Variants in BDNF observed in about 807,000 individuals in gnomAD.
BDNF encodes the protein brain derived neurotrophic factor.
BDNF carries 1 observed loss-of-function variant against 19.5 expected under a neutral mutation model. That is an observed-to-expected ratio of 0.05 (90% confidence interval 0.02 to 0.24). The LOEUF is 0.24. Ranked by LOEUF, BDNF falls within the 10% of genes least tolerant of loss-of-function variation. The pLI, the probability that BDNF is intolerant of heterozygous loss-of-function variation, is 1.00. For synonymous variants in BDNF, 100 were observed against 121.6 expected (o/e 0.82, Z 1.17); for missense variants, 195 against 317.6 (o/e 0.61, Z 2.93).
chr11:27,663,078 T>G (rs1312682726), intron 1 of BDNF, among the ~76,000 whole-genome samples: 1 of 152,238 alleles, frequency 6.6e-6, no homozygotes, highest in Non-Finnish European at 1.5e-5. Flanking sequence ...TTCAGCCTTT[T>G]AACTTCTTGT....
At chr11:27,672,151 T>C (rs1855479438) in intron 1 of BDNF, among the ~76,000 whole-genome samples, 2 of 152,198 alleles carry the variant, frequency 1.3e-5, no homozygotes, top group Non-Finnish European at 2.9e-5. Flanking sequence ...GCTTTTCCAC[T>C]ATTGTTATTA....
intron 1 of BDNF, among the ~76,000 whole-genome samples, chr11:27,662,368 T>C (rs941588694): frequency 2.0e-5 from 3 of 152,224 alleles, no homozygotes; most frequent in African/African-American, 7.2e-5. Flanking sequence ...AACTTACTGA[T>C]AGGTTTATTA....
chr11:27,720,544 C>A (rs1435758587), intron 1 of BDNF: 1 of 983,030 alleles, frequency 1.0e-6, no homozygotes, highest in African/African-American at 1.7e-5. Context: ...CAAAATCTGA[C>A]TCTCTCTCCA....
At chr11:27,660,171 C>T (rs1853231453) in intron 1 of BDNF, 59 of 1,176,086 alleles carry the variant, frequency 5.0e-5, no homozygotes, top group Non-Finnish European at 6.3e-5. Context: ...GTCAATAGGT[C>T]AGAATGCAGA....
chr11:27,656,355 G>A lies in BDNF; in HGVS notation c.*1466C>T, dbSNP rs571074969. ...AGAGGTGGGATGGTGGGCATAAGTC[G>A]GCTTGAGTGTGGTCCTCCAGTCGAG... On this transcript the variant is annotated 3_prime_UTR_variant, in exon 2 of 2. Transcript: ENST00000356660. The A allele has an allele frequency of 5.8e-5, 11 of 189,052 alleles. No individual in the cohort carries two copies. The South Asian group carries it at 1.3e-3, about 22-fold the overall frequency. The allele number at this position is 189,052 out of a possible 1,614,324, so 11.7% of individuals were successfully genotyped here. A position where few individuals can be genotyped will look rare whatever the true frequency, so the allele number is the denominator to read the frequency against.
At chr11:27,719,337 G>C (rs1257739741) in intron 1 of BDNF, among the ~76,000 whole-genome samples, 1 of 152,232 alleles carries the variant, frequency 6.6e-6, no homozygotes, top group African/African-American at 2.4e-5. Flanking sequence ...TGCGCGTCCA[G>C]CTGATTGGTG....
At chr11:27,701,806 A>G (rs1195815454), upstream of BDNF, among the ~76,000 whole-genome samples, 1 of 152,220 alleles carries the variant, frequency 6.6e-6, no homozygotes, top group African/African-American at 2.4e-5. Flanking sequence ...ATGCTTTTGC[A>G]GATGTTTTCA....
At chr11:27,667,916 C>T (rs997187514) in intron 1 of BDNF, among the ~76,000 whole-genome samples, 2 of 152,166 alleles carry the variant, frequency 1.3e-5, no homozygotes, top group Non-Finnish European at 2.9e-5. Context: ...ACCAAGCGGA[C>T]CTAATAGACA....
At chr11:27,673,068 C>A (rs994191124) in intron 1 of BDNF, among the ~76,000 whole-genome samples, 1 of 152,100 alleles carries the variant, frequency 6.6e-6, no homozygotes, top group East Asian at 1.9e-4. Flanking sequence ...TCCCAGGTGG[C>A]ATCTTAAGTA....
chr11:27,696,017 C>T (rs559088755), intron 1 of BDNF, among the ~76,000 whole-genome samples: 13 of 152,248 alleles, frequency 8.5e-5, no homozygotes, highest in African/African-American at 2.6e-4. Context: ...CCCTCCTCTC[C>T]CCTGCAAAAG....
intron 1 of BDNF, among the ~76,000 whole-genome samples, chr11:27,672,771 A>G (rs1490835894): frequency 1.3e-5 from 2 of 152,152 alleles, no homozygotes; most frequent in Non-Finnish European, 1.5e-5. Flanking sequence ...AGTACTTAAA[A>G]TGGCTTTTAA....
chr11:27,702,363 G>T (rs1590472645), upstream of BDNF, among the ~76,000 whole-genome samples: 1 of 152,082 alleles, frequency 6.6e-6, no homozygotes, highest in East Asian at 1.9e-4. Context: ...CAAGCAATTC[G>T]AATGCAGACA....
chr11:27,719,717 A>T, intron 1 of BDNF: 1 of 532,776 alleles, frequency 1.9e-6, no homozygotes, highest in Non-Finnish European at 2.2e-6. Flanking sequence ...TGAGGGAGGG[A>T]TGGAGGCTGG....
chr11:27,720,997 C>CA (rs1860726922), intron 1 of BDNF, among the ~76,000 whole-genome samples: 1 of 149,470 alleles, frequency 6.7e-6, no homozygotes, highest in Non-Finnish European at 1.5e-5. Flanking sequence ...CCCTTACCCC[C>CA]ACTCCACCCC....
intron 1 of BDNF, among the ~76,000 whole-genome samples, chr11:27,666,207 C>T (rs1178252586): frequency 1.3e-5 from 2 of 152,218 alleles, no homozygotes; most frequent in Non-Finnish European, 2.9e-5. Context: ...GCTGAGGGTC[C>T]TGACTGTTAG....
In BDNF at chr11:27,700,227, G is replaced by T. The variant is rs1859744802; in HGVS notation, c.-85C>A. The T allele has an allele frequency of 7.1e-6, 7 of 985,712 alleles. No homozygotes were observed. The South Asian group carries it at 2.8e-4, about 40-fold the overall frequency. 61.1% of individuals were successfully genotyped at this position (985,712 alleles called of 1,614,324 possible). A position where few individuals can be genotyped will look rare whatever the true frequency, so the allele number is the denominator to read the frequency against. ...GAGTCACATCGTGGTTCCGATTCTGGCTCCAGCGCCCAGCCCCGGTCCCCG... is the reference window on the plus strand; with the variant it reads ...GAGTCACATCGTGGTTCCGATTCTGTCTCCAGCGCCCAGCCCCGGTCCCCG... On this transcript the variant is annotated 5_prime_UTR_variant, in exon 1 of 2. Coordinates refer to ENST00000356660, the MANE Select transcript of BDNF (RefSeq NM_001709.5).
In BDNF at chr11:27,657,741, GAATA is replaced by G. The variant is rs1276581473; in HGVS notation, c.*76_*79del. ...TCATAAAATTATTTTTTTCTTAACT[GAATA>G]ATTTACCCTGTTATGTATATATACA... On this transcript the variant is annotated 3_prime_UTR_variant, in exon 2 of 2. Transcript: ENST00000356660. This position sits in a 1 kb window ranked among gnomAD's most constrained non-coding sequence, Gnocchi z 5.0. 1.3e-6 allele frequency: 2 copies of G among 1,572,888 alleles called. No homozygotes were observed. Among genetic ancestry groups the G allele is most frequent in the African/African-American group, 1.4e-5 (1 of 72,182 alleles).
chr11:27,718,883 A>G (rs1216172189), intron 1 of BDNF, among the ~76,000 whole-genome samples: 1 of 152,004 alleles, frequency 6.6e-6, no homozygotes, highest in Non-Finnish European at 1.5e-5. Context: ...CCCTACCCCA[A>G]GCTCTTGCCT....
intron 1 of BDNF, chr11:27,676,277 C>T (rs1245641466): frequency 6.6e-6 from 1 of 152,222 alleles, no homozygotes; most frequent in Non-Finnish European, 1.5e-5. Context: ...TGCAACTCTT[C>T]TATAAAGGGG....
Sources: gnomAD v4.1 joint callset for allele counts (sites outside exome capture counted in the v4.1 genomes callset) on GRCh38, gnomAD v4.1.1 for gene constraint, Gnocchi (gnomAD v3.1) non-coding constraint, MANE v1.5 for transcripts, NCBI Gene and HGNC (gene_info 2026-07-23, HGNC 2026-07-21) for gene names.